RTL4: variants seen among roughly 807,000 people sequenced by gnomAD.
RTL4 encodes retrotransposon Gag-like protein 4.
A neutral mutation model predicts 5.3 loss-of-function variants in RTL4; 4 were observed. That is an observed-to-expected ratio of 0.75 (90% CI 0.37 to 1.72). The LOEUF is 1.72. RTL4 is among the 40% of genes most tolerant of loss of function. The pLI, the probability that RTL4 is intolerant of heterozygous loss-of-function variation, is 0.04. For missense variants in RTL4, 260 were observed against 227.1 expected (o/e 1.14, Z -0.93); for synonymous variants, 98 against 87.3 (o/e 1.12, Z -0.68).
the RTL4 span, among the ~76,000 whole-genome samples, chrX:112,377,004 G>T: frequency 8.9e-6 from 1 of 112,056 alleles, no homozygotes; most frequent in African/African-American, 3.2e-5. Flanking sequence ...GTATTTTGAA[G>T]GCATTAGAAA....
the RTL4 span, among the ~76,000 whole-genome samples, chrX:112,414,349 G>A: frequency 7.2e-5 from 8 of 111,281 alleles, no homozygotes; most frequent in African/African-American, 1.6e-4. Context: ...TAAACTTTGC[G>A]TAGTCTTTTC....
At chrX:112,408,408 C>G in the RTL4 span, among the ~76,000 whole-genome samples, 1 of 107,637 alleles carries the variant, frequency 9.3e-6, no homozygotes, top group Admixed American at 1.0e-4. Flanking sequence ...ATTGATCAAG[C>G]AGAAGAAAGA....
At chrX:112,201,028 A>G in the RTL4 span, among the ~76,000 whole-genome samples, 1,028 of 111,937 alleles carry the variant, frequency 9.2e-3, 12 homozygotes, top group African/African-American at 0.031. Flanking sequence ...TAATTTATAA[A>G]GAAAAGAGGT....
At chrX:112,242,601 G>T in the RTL4 span, among the ~76,000 whole-genome samples, 2 of 111,776 alleles carry the variant, frequency 1.8e-5, no homozygotes, top group Non-Finnish European at 3.8e-5. Context: ...TTTGGGCTGA[G>T]ATCATGGAGT....
At chrX:112,277,747 A>G in the RTL4 span, among the ~76,000 whole-genome samples, 2 of 111,952 alleles carry the variant, frequency 1.8e-5, no homozygotes, top group African/African-American at 6.5e-5. Context: ...GCAGAAAACT[A>G]GAGATTTATT....
chrX:112,288,182 G>A, the RTL4 span, among the ~76,000 whole-genome samples: 4 of 111,900 alleles, frequency 3.6e-5, no homozygotes, highest in Admixed American at 9.5e-5. Flanking sequence ...ATACTTACTC[G>A]GAGCAAGTAT....
the RTL4 span, among the ~76,000 whole-genome samples, chrX:112,437,485 T>G: frequency 9.0e-6 from 1 of 111,560 alleles, no homozygotes; most frequent in Non-Finnish European, 1.9e-5. Context: ...ATTTAATCTT[T>G]CTATATTGTA....
the RTL4 span, among the ~76,000 whole-genome samples, chrX:112,303,447 G>GA: frequency 1.8e-5 from 2 of 108,262 alleles, no homozygotes; most frequent in African/African-American, 6.8e-5. Context: ...ATGGGTTCAT[G>GA]TCCTTTGTAG....
chrX:112,128,361 C>T, the RTL4 span, among the ~76,000 whole-genome samples: 2 of 111,371 alleles, frequency 1.8e-5, no homozygotes, highest in Non-Finnish European at 3.8e-5. Flanking sequence ...TGGATATCCA[C>T]GTTTAAAAGA....
chrX:112,261,168 CAT>C, the RTL4 span, among the ~76,000 whole-genome samples: 1 of 111,506 alleles, frequency 9.0e-6, no homozygotes, highest in Admixed American at 9.5e-5. Flanking sequence ...TGATTATAAA[CAT>C]AGTGTTGGAA....
chrX:112,152,916 G>A, the RTL4 span, among the ~76,000 whole-genome samples: 1 of 111,275 alleles, frequency 9.0e-6, no homozygotes, highest in Non-Finnish European at 1.9e-5. Context: ...ATCTCCATAG[G>A]TTCTTAAAGA....
the RTL4 span, among the ~76,000 whole-genome samples, chrX:112,271,723 G>GT: frequency 9.0e-6 from 1 of 111,296 alleles, no homozygotes; most frequent in Non-Finnish European, 1.9e-5. Flanking sequence ...TTCTTATTTA[G>GT]TTTTTTTAAA....
chrX:112,114,347 A>G, the RTL4 span, among the ~76,000 whole-genome samples: 1 of 111,653 alleles, frequency 9.0e-6, no homozygotes, highest in African/African-American at 3.3e-5. Context: ...TTTGGTTATC[A>G]TTCTATCATT....
At chrX:112,182,231 C>A in the RTL4 span, among the ~76,000 whole-genome samples, 1 of 111,955 alleles carries the variant, frequency 8.9e-6, no homozygotes, top group African/African-American at 3.2e-5. Flanking sequence ...TGAGGAAAAA[C>A]CAGCACAAAA....
At chrX:112,227,618 G>A in the RTL4 span, among the ~76,000 whole-genome samples, 2 of 111,660 alleles carry the variant, frequency 1.8e-5, no homozygotes, top group Admixed American at 9.5e-5. Flanking sequence ...AGGCATTATC[G>A]AAGGTTCCTG....
chrX:112,341,934 C>A, the RTL4 span, among the ~76,000 whole-genome samples: 2 of 111,575 alleles, frequency 1.8e-5, no homozygotes, highest in South Asian at 3.8e-4. Context: ...CAGGCTGATC[C>A]ACTATAGTAC....
At chrX:112,326,753 C>G in the RTL4 span, among the ~76,000 whole-genome samples, 1 of 111,712 alleles carries the variant, frequency 9.0e-6, no homozygotes, top group African/African-American at 3.2e-5. Context: ...CTTAAATGTC[C>G]CTGTCTGACA....
At chrX:112,155,961 G>A in the RTL4 span, among the ~76,000 whole-genome samples, 1 of 111,620 alleles carries the variant, frequency 9.0e-6, no homozygotes, top group Admixed American at 9.5e-5. Flanking sequence ...ATTCTGGATG[G>A]CTCTGGTAGT....
the RTL4 span, among the ~76,000 whole-genome samples, chrX:112,213,538 T>C: frequency 8.9e-6 from 1 of 112,607 alleles, no homozygotes; most frequent in East Asian, 2.8e-4. Flanking sequence ...ACATATTTTG[T>C]TTTATTTGTA....
Sources: allele counts gnomAD v4.1 joint callset (sites outside exome capture counted in the v4.1 genomes callset), GRCh38; gene constraint gnomAD v4.1.1; transcripts MANE v1.5; gene names NCBI Gene and HGNC (gene_info 2026-07-23, HGNC 2026-07-21).